LRCH2: variants seen among roughly 807,000 people sequenced by gnomAD.
LRCH2 encodes the protein leucine-rich repeat and calponin homology domain-containing protein 2.
LRCH2 carries 38 observed loss-of-function variants against 68.9 expected under a neutral mutation model. The observed-to-expected ratio is 0.55, with a 90% CI of 0.43 to 0.72. The LOEUF is 0.72. Ranked by LOEUF, LRCH2 falls within the 30% of genes least tolerant of loss-of-function variation. The pLI is 0.00. For synonymous variants in LRCH2, 191 were observed against 208.1 expected (o/e 0.92, Z 0.71); for missense variants, 528 against 572.9 (o/e 0.92, Z 0.80).
chrX:115,180,454 T>TA lies in LRCH2; in HGVS notation c.622-704dup, dbSNP rs369759422. Among the ~76,000 whole-genome samples the TA allele has an allele frequency of 7.7e-3, 854 of 110,374 alleles. 6 individuals are homozygous for TA. The highest frequency in any genetic ancestry group is 0.023 in the Middle Eastern group (5 of 215). ...TGAGGTTTTTATTTATTATCATAAT[T>TA]AAAAAAAACAGAAAAAAGAACAGTT... On this transcript the variant is annotated intron_variant, in intron 3 of 20. Transcript: ENST00000317135.
chrX:115,215,863 C>T, intron 1 of LRCH2, among the ~76,000 whole-genome samples: 1 of 109,928 alleles, frequency 9.1e-6, no homozygotes, highest in Non-Finnish European at 1.9e-5. Flanking sequence ...TTGAATTAGG[C>T]ACTTCCATAC....
chrX:115,128,921 C>T (rs993714219), intron 15 of LRCH2, among the ~76,000 whole-genome samples: 15 of 111,694 alleles, frequency 1.3e-4, no homozygotes, highest in African/African-American at 4.6e-4. Context: ...GTGACCCAGG[C>T]GACAGTATTG....
intron 6 of LRCH2, 26 bp downstream of exon 6, chrX:115,170,273 A>G: frequency 8.8e-7 from 1 of 1,134,816 alleles, no homozygotes; most frequent in Non-Finnish European, 1.2e-6. Context: ...CAATCATCAA[A>G]TGAAACTGTA....
chrX:115,148,410 A>T (rs781871052), intron 14 of LRCH2, among the ~76,000 whole-genome samples: 35 of 112,177 alleles, frequency 3.1e-4, no homozygotes, highest in Non-Finnish European at 5.3e-4. Flanking sequence ...TGGTATTGTT[A>T]CTATGATAAA....
intron 1 of LRCH2, among the ~76,000 whole-genome samples, chrX:115,215,753 G>A (rs1314050399): frequency 2.9e-5 from 2 of 69,389 alleles, no homozygotes; most frequent in Non-Finnish European, 5.0e-5. Context: ...ATGGGTGACA[G>A]AGCAAGACTC....
chrX:115,190,067 C>A, intron 1 of LRCH2: 5 of 1,152,926 alleles, frequency 4.3e-6, no homozygotes, highest in Non-Finnish European at 5.8e-6. Flanking sequence ...AGGGCTGTGC[C>A]CCGGTCAAGC....
At chrX:115,212,292 C>CA (rs1556570194) in intron 1 of LRCH2, among the ~76,000 whole-genome samples, 1 of 111,942 alleles carries the variant, frequency 8.9e-6, no homozygotes, top group African/African-American at 3.2e-5. Context: ...CATGCACATG[C>CA]AGTATTATCA....
At position 115,163,747 on chromosome X, in the gene LRCH2, A is replaced by C. The variant is rs781832690; in HGVS notation, c.1392T>G (p.Asp464Glu). ...AATCAGTTACTTCCTTCAAATCATC[A>C]TCCTCTTCCTCTGCCAGTAACTGTT... ...EKEQLLAEEE[D>E]DDLKEVTDLR... The change falls in exon 11 of 21, where the codon GAT becomes GAG. Residue 464 changes from aspartate (D) to glutamate (E), a missense_variant. Asp to Glu is a conservative substitution (Grantham distance 45, BLOSUM62 2). Transcript: ENST00000317135. 26 of 1,199,971 alleles carry C rather than the reference A, an allele frequency of 2.2e-5. No individual in the cohort carries two copies. The South Asian group carries it at 4.6e-4, about 21-fold the overall frequency.
intron 1 of LRCH2, among the ~76,000 whole-genome samples, chrX:115,232,552 T>A (rs1200522351): frequency 9.0e-6 from 1 of 111,644 alleles, no homozygotes; most frequent in African/African-American, 3.2e-5. Context: ...CTCCCCACTT[T>A]GTTCCAACAC....
intron 11 of LRCH2, among the ~76,000 whole-genome samples, chrX:115,162,721 T>G (rs2072529367): frequency 1.8e-5 from 2 of 111,927 alleles, no homozygotes; most frequent in South Asian, 7.4e-4. Context: ...TAGTTGTATT[T>G]TTCAATGTAC....
intron 1 of LRCH2, among the ~76,000 whole-genome samples, chrX:115,201,994 A>C (rs1260680401): frequency 8.9e-6 from 1 of 111,921 alleles, no homozygotes; most frequent in African/African-American, 3.2e-5. Flanking sequence ...AGATGAAAGA[A>C]ATTGAAGATG....
intron 1 of LRCH2, among the ~76,000 whole-genome samples, chrX:115,208,069 G>A (rs2072981398): frequency 2.7e-5 from 3 of 112,187 alleles, no homozygotes; most frequent in Admixed American, 9.4e-5. Flanking sequence ...CTTGATTTTA[G>A]CTCAATTAAA....
At chrX:115,175,292 G>A (rs1406639633) in intron 5 of LRCH2, among the ~76,000 whole-genome samples, 1 of 110,624 alleles carries the variant, frequency 9.0e-6, no homozygotes, top group Non-Finnish European at 1.9e-5. Context: ...AGAATTTATC[G>A]TCCCCAAGGC....
At chrX:115,180,754 C>T (rs2072685566) in intron 3 of LRCH2, among the ~76,000 whole-genome samples, 1 of 111,521 alleles carries the variant, frequency 9.0e-6, no homozygotes, top group African/African-American at 3.3e-5. Context: ...ATATATCCTA[C>T]ATACCTCTTT....
At chrX:115,129,802 G>T (rs1379577806) in intron 15 of LRCH2, among the ~76,000 whole-genome samples, 1 of 111,171 alleles carries the variant, frequency 9.0e-6, no homozygotes, top group Non-Finnish European at 1.9e-5. Flanking sequence ...AGAATTTGTG[G>T]AAGGAGTTCC....
At chrX:115,189,797 A>G (rs1556556422) in intron 1 of LRCH2, 2 of 1,167,301 alleles carry the variant, frequency 1.7e-6, no homozygotes, top group African/African-American at 1.8e-5. Context: ...AGCAGCCCAC[A>G]GCGACCCCCC....
At chrX:115,211,355 CTCTCT>C (rs782752261) in intron 1 of LRCH2, among the ~76,000 whole-genome samples, 31 of 111,544 alleles carry the variant, frequency 2.8e-4, no homozygotes, top group African/African-American at 1.0e-3. Flanking sequence ...CCTGCACAAG[CTCTCT>C]TCTCTTGTCT....
chrX:115,206,340 G>C (rs1425804458), intron 1 of LRCH2, among the ~76,000 whole-genome samples: 2 of 112,249 alleles, frequency 1.8e-5, no homozygotes, highest in African/African-American at 3.2e-5. Flanking sequence ...CCCAAAACTG[G>C]CCATAAACAA....
chrX:115,132,937 C>G (rs939811329), intron 14 of LRCH2, among the ~76,000 whole-genome samples: 1 of 111,417 alleles, frequency 9.0e-6, no homozygotes, highest in Admixed American at 9.6e-5. Flanking sequence ...TCTGCTTGCT[C>G]AAACGCCTTA....
Sources: allele counts gnomAD v4.1 joint callset (sites outside exome capture counted in the v4.1 genomes callset), GRCh38; gene constraint gnomAD v4.1.1; transcripts MANE v1.5; gene names NCBI Gene and HGNC (gene_info 2026-07-23, HGNC 2026-07-21).